The following GPRIN3 variants were observed in gnomAD, a reference collection of about 807,000 sequenced individuals.
The protein encoded by GPRIN3 is G protein-regulated inducer of neurite outgrowth 3.
A neutral mutation model predicts 13.7 loss-of-function variants in GPRIN3; 12 were observed. That is an observed-to-expected ratio of 0.87 (90% CI 0.56 to 1.42). The LOEUF is 1.42. Among genes scored for constraint, GPRIN3 ranks in the 40% most tolerant of loss-of-function variants. GPRIN3 has a pLI of 0.00. For synonymous variants in GPRIN3, 377 were observed against 372.7 expected (o/e 1.01, Z -0.13); for missense variants, 1,009 against 958.7 (o/e 1.05, Z -0.69).
At position 89,247,962 on chromosome 4, in the gene GPRIN3, T is replaced by A. The variant is rs1245309748; in HGVS notation, c.2149A>T (p.Ile717Phe). 1 of 1,614,200 alleles carries A rather than the reference T, an allele frequency of 6.2e-7. No individual in the cohort carries two copies. Among genetic ancestry groups the A allele is most frequent in the South Asian group, 1.1e-5 (1 of 91,088 alleles). ...TTGATTAATTTCTCATGTTCCCTGA[T>A]TTGTCTTTGCAAATGGTTCTGGATC... The part of the protein sequence containing the change: ...IAIQNHLQRQ[I>F]REHEKLIKTQ... The change falls in exon 2 of 2, where the codon ATC becomes TTC. Residue 717 changes from isoleucine (I) to phenylalanine (F), a missense_variant. Coordinates refer to ENST00000609438, the MANE Select transcript of GPRIN3 (RefSeq NM_198281.3).
At chr4:89,278,259 C>T (rs1724149131) in intron 1 of GPRIN3, among the ~76,000 whole-genome samples, 1 of 152,050 alleles carries the variant, frequency 6.6e-6, no homozygotes, top group Admixed American at 6.6e-5. Flanking sequence ...AATGAGCTAC[C>T]ATATTTCAAA....
chr4:89,294,525 T>C (rs1004596953), intron 1 of GPRIN3, among the ~76,000 whole-genome samples: 1 of 152,216 alleles, frequency 6.6e-6, no homozygotes, highest in Non-Finnish European at 1.5e-5. Context: ...GAAGATTTTA[T>C]GGTCTTTAAA....
chr4:89,247,903 G>A lies in GPRIN3; in HGVS notation c.2208C>T (p.Ser736=), dbSNP rs1273436915. The change falls in exon 2 of 2, where the codon TCC becomes TCT. Residue 736 remains serine, a synonymous_variant. Coordinates refer to ENST00000609438, the MANE Select transcript of GPRIN3 (RefSeq NM_198281.3). ...GCTTCTTATTTGAAGAAGTATCTGAGGAAATGGATCTCCGGGTCTGGCTAT... is the reference window on the plus strand; with the variant it reads ...GCTTCTTATTTGAAGAAGTATCTGAAGAAATGGATCTCCGGGTCTGGCTAT... ...TQNSQTRRSI[S]SDTSSNKKLR... 1 of 1,614,070 alleles carries A rather than the reference G, an allele frequency of 6.2e-7. No homozygotes were observed. Among genetic ancestry groups the A allele is most frequent in the Non-Finnish European group, 8.5e-7 (1 of 1,180,032 alleles).
At chr4:89,290,501 G>A (rs887559780) in intron 1 of GPRIN3, among the ~76,000 whole-genome samples, 7 of 152,046 alleles carry the variant, frequency 4.6e-5, no homozygotes, top group Admixed American at 3.3e-4. Flanking sequence ...CTTAGGATTC[G>A]CTGGAAGCAT....
intron 1 of GPRIN3, among the ~76,000 whole-genome samples, chr4:89,264,187 G>A (rs1170909880): frequency 6.6e-6 from 1 of 152,142 alleles, no homozygotes; most frequent in Non-Finnish European, 1.5e-5. Flanking sequence ...TGGATTCCTT[G>A]TGAATAATGT....
At chr4:89,270,564 TTTA>T (rs1195933086) in intron 1 of GPRIN3, among the ~76,000 whole-genome samples, 1 of 67,574 alleles carries the variant, frequency 1.5e-5, no homozygotes, top group African/African-American at 8.3e-5. Context: ...ATGTATATAA[TTTA>T]TATATATATA....
intron 1 of GPRIN3, among the ~76,000 whole-genome samples, chr4:89,305,024 G>T (rs1272395628): frequency 2.0e-5 from 3 of 152,122 alleles, no homozygotes; most frequent in African/African-American, 7.2e-5. Flanking sequence ...GAATACCATA[G>T]ATCCTCAAAA....
chr4:89,262,547 T>A (rs1723661309), intron 1 of GPRIN3, among the ~76,000 whole-genome samples: 1 of 152,184 alleles, frequency 6.6e-6, no homozygotes. Flanking sequence ...GATGGATTCG[T>A]GCTGGTCTAC....
intron 1 of GPRIN3, among the ~76,000 whole-genome samples, chr4:89,271,953 A>G (rs1723962926): frequency 6.6e-6 from 1 of 152,126 alleles, no homozygotes; most frequent in Non-Finnish European, 1.5e-5. Flanking sequence ...GAATGAGATT[A>G]TTGCTTTTGT....
At position 89,238,280 on chromosome 4, in the gene GPRIN3, G is replaced by A. The variant is rs1482955251; in HGVS notation, c.*9500C>T. On this transcript the variant is annotated 3_prime_UTR_variant, in exon 2 of 2. Transcript: ENST00000609438. Reference sequence around the variant, plus strand: ...CTTTACAGATCCTTGATGAATTGAAGATATTCAAGGAGGTAAAAAGGGATC... The same window carrying A: ...CTTTACAGATCCTTGATGAATTGAAAATATTCAAGGAGGTAAAAAGGGATC... 3 of 152,128 alleles carry A rather than the reference G, an allele frequency of 2.0e-5. No individual in the cohort carries two copies. Among genetic ancestry groups the A allele is most frequent in the Non-Finnish European group, 4.4e-5 (3 of 68,020 alleles). The allele number at this position is 152,128 out of a possible 1,614,324, so 9.4% of individuals were successfully genotyped here.
intron 1 of GPRIN3, among the ~76,000 whole-genome samples, chr4:89,303,820 T>C (rs1305425019): frequency 6.7e-6 from 1 of 150,038 alleles, no homozygotes; most frequent in African/African-American, 2.4e-5. Flanking sequence ...ATATATAAAA[T>C]ATGTATGTAT....
chr4:89,276,767 T>C (rs540853819), intron 1 of GPRIN3, among the ~76,000 whole-genome samples: 1 of 152,316 alleles, frequency 6.6e-6, no homozygotes, highest in East Asian at 1.9e-4. Context: ...GATGGCATCG[T>C]TTCTCCTACT....
intron 1 of GPRIN3, among the ~76,000 whole-genome samples, chr4:89,258,582 T>C (rs1278696759): frequency 1.3e-5 from 2 of 152,122 alleles, no homozygotes; most frequent in Non-Finnish European, 2.9e-5. Context: ...ATAAGACAAA[T>C]GGGCAGGAGC....
In GPRIN3 at chr4:89,246,158, C is replaced by G. The variant is rs535168847; in HGVS notation, c.*1622G>C. On this transcript the variant is annotated 3_prime_UTR_variant, in exon 2 of 2. Coordinates refer to ENST00000609438, the MANE Select transcript of GPRIN3 (RefSeq NM_198281.3). ...AGAATTAAAGTGAAAAAAGCCAGAACAGATACTGTGAATTGACTGTACCCA... is the reference window on the plus strand; with the variant it reads ...AGAATTAAAGTGAAAAAAGCCAGAAGAGATACTGTGAATTGACTGTACCCA... 6.6e-6 allele frequency: 1 copy of G among 152,146 alleles called. No individual in the cohort carries two copies. The highest frequency in any genetic ancestry group is 2.1e-4 in the South Asian group (1 of 4,832). The allele number at this position is 152,146 out of a possible 1,614,324, so 9.4% of individuals were successfully genotyped here.
At chr4:89,297,242 A>G (rs1724763527) in intron 1 of GPRIN3, among the ~76,000 whole-genome samples, 1 of 152,212 alleles carries the variant, frequency 6.6e-6, no homozygotes, top group Non-Finnish European at 1.5e-5. Context: ...ATAAGCCTGA[A>G]GAATAAAATT....
rs938365656 is a variant in GPRIN3 at position 89,245,550 on chromosome 4, C to T, written c.*2230G>A. 5.3e-5 allele frequency: 8 copies of T among 152,292 alleles called. No homozygotes were observed. The South Asian group carries it at 1.7e-3, about 32-fold the overall frequency. 9.4% of individuals were successfully genotyped at this position (152,292 alleles called of 1,614,324 possible). A position where few individuals can be genotyped will look rare whatever the true frequency, so the allele number is the denominator to read the frequency against. On this transcript the variant is annotated 3_prime_UTR_variant, in exon 2 of 2. Transcript: ENST00000609438. ...CAGAGGCGAAATTCCTTATTCTCAC[C>T]TATTTTAATGCAGGGACAGCCTGTT...
chr4:89,254,476 A>G (rs1314081558), intron 1 of GPRIN3, among the ~76,000 whole-genome samples: 1 of 152,028 alleles, frequency 6.6e-6, no homozygotes, highest in Non-Finnish European at 1.5e-5. Flanking sequence ...AAAGTGAAGT[A>G]TTTGATTTTC....
chr4:89,303,715 G>A (rs1057488465), intron 1 of GPRIN3, among the ~76,000 whole-genome samples: 6 of 150,446 alleles, frequency 4.0e-5, no homozygotes, highest in Non-Finnish European at 7.4e-5. Flanking sequence ...TACAGACACC[G>A]TCACCATTTT....
intron 1 of GPRIN3, among the ~76,000 whole-genome samples, chr4:89,275,136 C>CTGTGTGTGTGTGTG (rs56091424): frequency 0.11 from 15,973 of 149,120 alleles, 915 homozygotes; most frequent in South Asian, 0.19. Flanking sequence ...CTAAGTAACT[C>CTGTGTGTGTGTGTG]TGTGTGTGTG....
Sources: gnomAD v4.1 joint callset for allele counts (sites outside exome capture counted in the v4.1 genomes callset) on GRCh38, gnomAD v4.1.1 for gene constraint, MANE v1.5 for transcripts, NCBI Gene and HGNC (gene_info 2026-07-23, HGNC 2026-07-21) for gene names.